LEPR: variants seen among roughly 807,000 people sequenced by gnomAD.
The protein encoded by LEPR is leptin receptor, also known as OB receptor.
In LEPR, 56 loss-of-function variants were observed where a neutral mutation model predicts 114.7. The observed-to-expected ratio is 0.49, with a 90% confidence interval of 0.39 to 0.61. LEPR has a LOEUF of 0.61. Ranked by LOEUF, LEPR falls within the 20% of genes least tolerant of loss-of-function variation. The probability of loss-of-function intolerance (pLI) is 0.00; values close to 1 mark genes in which losing one functional copy is unlikely to be tolerated. For missense variants in LEPR, 1,202 were observed against 1,352.9 expected (o/e 0.89, Z 1.75); for synonymous variants, 443 against 461.4 (o/e 0.96, Z 0.51).
chr1:65,433,993 G>A lies in LEPR; in HGVS notation c.-21+8615G>A, dbSNP rs574345236. 16 of 985,176 alleles carry A rather than the reference G, an allele frequency of 1.6e-5. No individual in the cohort carries two copies. The East Asian group carries it at 9.1e-4, about 56-fold the overall frequency. The allele number at this position is 985,176 out of a possible 1,614,324, so 61.0% of individuals were successfully genotyped here. ...TGCAATAGCTTTTCTTTCTAAGATG[G>A]CAATAATGATTCATTTCTACTACAT... On this transcript the variant is annotated intron_variant, in intron 2 of 19. Coordinates refer to ENST00000349533, the MANE Select transcript of LEPR (RefSeq NM_002303.6).
At chr1:65,634,030 A>T in intron 19 of LEPR, 1 of 985,380 alleles carries the variant, frequency 1.0e-6, no homozygotes, top group Non-Finnish European at 1.2e-6. Context: ...ATGGGCAGTG[A>T]TGCAAAAAAG....
chr1:65,440,120 A>G (rs1374332750), intron 2 of LEPR, among the ~76,000 whole-genome samples: 2 of 151,774 alleles, frequency 1.3e-5, no homozygotes, highest in African/African-American at 4.8e-5. Context: ...AATAGGGTGG[A>G]TAGAGACGAT....
intron 2 of LEPR, among the ~76,000 whole-genome samples, chr1:65,529,045 C>A (rs1384017624): frequency 1.3e-5 from 2 of 151,530 alleles, no homozygotes; most frequent in Non-Finnish European, 2.9e-5. Flanking sequence ...AATCTCCTGA[C>A]CTCATGATCT....
chr1:65,532,665 A>G (rs561579776), intron 2 of LEPR, among the ~76,000 whole-genome samples: 2 of 152,130 alleles, frequency 1.3e-5, no homozygotes, highest in African/African-American at 4.8e-5. Context: ...AAGGGAATGA[A>G]GTGCTGATAA....
chr1:65,491,379 G>C (rs1479855121), intron 2 of LEPR, among the ~76,000 whole-genome samples: 1 of 152,012 alleles, frequency 6.6e-6, no homozygotes, highest in Non-Finnish European at 1.5e-5. Context: ...AGTCTATTTG[G>C]GTTTAGATTG....
intron 19 of LEPR, among the ~76,000 whole-genome samples, chr1:65,627,956 C>T (rs1658314302): frequency 6.6e-6 from 1 of 151,936 alleles, no homozygotes; most frequent in East Asian, 1.9e-4. Context: ...CAAAATCTTC[C>T]CTAAAATTAA....
intron 2 of LEPR, among the ~76,000 whole-genome samples, chr1:65,524,583 C>T (rs1056153462): frequency 3.9e-5 from 6 of 152,194 alleles, no homozygotes; most frequent in Admixed American, 3.3e-4. Flanking sequence ...TTCTGGCCTA[C>T]CCATCTCTGG....
intron 2 of LEPR, among the ~76,000 whole-genome samples, chr1:65,442,374 C>T (rs1429905481): frequency 1.3e-5 from 2 of 152,204 alleles, no homozygotes; most frequent in East Asian, 1.9e-4. Context: ...CCCTCCCCTA[C>T]TCCACCCCAC....
At position 65,441,517 on chromosome 1, in the gene LEPR, A is replaced by G. The variant is rs150722086; in HGVS notation, c.-21+16139A>G. Among the ~76,000 whole-genome samples, 31 of 152,348 alleles carry G rather than the reference A, an allele frequency of 2.0e-4. No homozygotes were observed. The East Asian group carries it at 5.8e-3, about 28-fold the overall frequency. ...GGAGCAGGGGGAAAGTTATCATTTT[A>G]ATGGCTGGTAGCACAATTCCGAGAA... On this transcript the variant is annotated intron_variant, in intron 2 of 19. Coordinates refer to ENST00000349533, the MANE Select transcript of LEPR (RefSeq NM_002303.6).
chr1:65,622,660 A>C (rs1657958431), intron 18 of LEPR, among the ~76,000 whole-genome samples: 1 of 152,194 alleles, frequency 6.6e-6, no homozygotes, highest in Admixed American at 6.5e-5. Flanking sequence ...TCCAGTGTTT[A>C]GCATGGTGCT....
chr1:65,573,490 G>T (rs1045244534), intron 5 of LEPR, among the ~76,000 whole-genome samples: 1 of 152,154 alleles, frequency 6.6e-6, no homozygotes, highest in Non-Finnish European at 1.5e-5. Flanking sequence ...AGAGAACAAA[G>T]ATATTGTTTT....
intron 5 of LEPR, among the ~76,000 whole-genome samples, chr1:65,578,862 A>G (rs1654783077): frequency 6.6e-6 from 1 of 152,134 alleles, no homozygotes; most frequent in African/African-American, 2.4e-5. Flanking sequence ...TTCTGTATTG[A>G]TTACCAGGCT....
intron 2 of LEPR, among the ~76,000 whole-genome samples, chr1:65,554,894 G>A (rs1053158830): frequency 2.0e-5 from 3 of 152,178 alleles, no homozygotes; most frequent in Admixed American, 2.0e-4. Flanking sequence ...CATGGGAAAA[G>A]CATAATATCT....
At chr1:65,608,374 G>A (rs1430303354) in intron 11 of LEPR, among the ~76,000 whole-genome samples, 1 of 152,028 alleles carries the variant, frequency 6.6e-6, no homozygotes, top group Non-Finnish European at 1.5e-5. Context: ...GGGACTACAG[G>A]CGCCCGCCAC....
chr1:65,433,733 A>G, intron 2 of LEPR: 1 of 921,762 alleles, frequency 1.1e-6, no homozygotes, highest in Non-Finnish European at 1.3e-6. Context: ...GATACTTTAT[A>G]ATTTTAACCG....
At chr1:65,526,692 CTG>C (rs1464646148) in intron 2 of LEPR, among the ~76,000 whole-genome samples, 1 of 152,128 alleles carries the variant, frequency 6.6e-6, no homozygotes. Flanking sequence ...ACCTATGACA[CTG>C]TGGTTCGTTT....
chr1:65,490,287 G>C (rs538365133), intron 2 of LEPR, among the ~76,000 whole-genome samples: 49 of 152,222 alleles, frequency 3.2e-4, no homozygotes, highest in African/African-American at 9.9e-4. Context: ...TGCAAAGTAA[G>C]AGAAGGAAGG....
intron 19 of LEPR, chr1:65,623,463 TC>T (rs1306194362): frequency 2.0e-5 from 3 of 152,438 alleles, no homozygotes; most frequent in African/African-American, 7.2e-5. Flanking sequence ...ATGCAGAAGT[TC>T]CATTCAAGTA....
chr1:65,433,669 A>G (rs1646519140), intron 2 of LEPR: 13 of 984,370 alleles, frequency 1.3e-5, no homozygotes, highest in Middle Eastern at 5.2e-4. Flanking sequence ...TCCTGTGTAC[A>G]TATAGAATTG....
Sources: allele counts gnomAD v4.1 joint callset (sites outside exome capture counted in the v4.1 genomes callset), GRCh38; gene constraint gnomAD v4.1.1; transcripts MANE v1.5; gene names NCBI Gene and HGNC (gene_info 2026-07-23, HGNC 2026-07-21).